MPPED2: variants seen among roughly 807,000 people sequenced by gnomAD.
MPPED2 encodes the protein metallophosphoesterase domain containing 2.
MPPED2 carries 5 observed loss-of-function variants against 33.0 expected under a neutral mutation model. The observed-to-expected ratio is 0.15, with a 90% CI of 0.08 to 0.32. The LOEUF is 0.32. MPPED2 is among the 10% of genes least tolerant of loss of function. The probability of loss-of-function intolerance (pLI) is 1.00; values close to 1 mark genes in which losing one functional copy is unlikely to be tolerated. For synonymous variants in MPPED2, 136 were observed against 141.9 expected (o/e 0.96, Z 0.29); for missense variants, 275 against 372.1 (o/e 0.74, Z 2.15).
chr11:30,558,954 G>A (rs1956114997), intron 2 of MPPED2, among the ~76,000 whole-genome samples: 1 of 152,028 alleles, frequency 6.6e-6, no homozygotes, highest in African/African-American at 2.4e-5. Flanking sequence ...CATTTGAAGT[G>A]GGATAAGCAT....
At chr11:30,505,571 G>A (rs761569078) in intron 3 of MPPED2, among the ~76,000 whole-genome samples, 1 of 152,130 alleles carries the variant, frequency 6.6e-6, no homozygotes, top group African/African-American at 2.4e-5. Flanking sequence ...TACAAATGAG[G>A]GTCTTGGCTT....
At chr11:30,509,255 T>C (rs191542815) in intron 3 of MPPED2, among the ~76,000 whole-genome samples, 2 of 152,310 alleles carry the variant, frequency 1.3e-5, no homozygotes, top group African/African-American at 4.8e-5. Flanking sequence ...TTTTGTTGAA[T>C]GAGTGAACAA....
intron 4 of MPPED2, among the ~76,000 whole-genome samples, chr11:30,492,845 A>G (rs1048242101): frequency 1.3e-5 from 2 of 152,168 alleles, no homozygotes; most frequent in African/African-American, 2.4e-5. Context: ...ACCTCTTATT[A>G]TCTGTGGCGA....
intron 2 of MPPED2, among the ~76,000 whole-genome samples, chr11:30,578,861 T>C (rs1381635550): frequency 6.6e-6 from 1 of 152,164 alleles, no homozygotes; most frequent in Admixed American, 6.5e-5. Flanking sequence ...GAAAAGCTAT[T>C]TTAACAAAGA....
chr11:30,549,589 A>T (rs1302485837), intron 2 of MPPED2, among the ~76,000 whole-genome samples: 1 of 152,194 alleles, frequency 6.6e-6, no homozygotes, highest in African/African-American at 2.4e-5. Flanking sequence ...GTTAAGAGCA[A>T]TGATGGATAA....
intron 1 of MPPED2, among the ~76,000 whole-genome samples, chr11:30,581,910 T>A (rs1042921710): frequency 1.3e-5 from 2 of 152,230 alleles, no homozygotes; most frequent in African/African-American, 4.8e-5. Context: ...TTGGGTTCTC[T>A]TTCTTTTTCC....
chr11:30,452,074 C>G (rs1461351324), intron 4 of MPPED2: 4 of 985,432 alleles, frequency 4.1e-6, no homozygotes, highest in Non-Finnish European at 4.8e-6. Context: ...CTCAGCTTCA[C>G]TTGTGGTCAC....
At chr11:30,427,707 A>G (rs1948901038) in intron 4 of MPPED2, among the ~76,000 whole-genome samples, 1 of 152,246 alleles carries the variant, frequency 6.6e-6, no homozygotes, top group African/African-American at 2.4e-5. Context: ...GAATTCAAAC[A>G]TGTAAAAAAT....
At chr11:30,576,463 T>A (rs1451152630) in intron 2 of MPPED2, among the ~76,000 whole-genome samples, 1 of 152,112 alleles carries the variant, frequency 6.6e-6, no homozygotes, top group Admixed American at 6.6e-5. Flanking sequence ...ACATGAAGAA[T>A]TAACCTGAGT....
intron 4 of MPPED2, among the ~76,000 whole-genome samples, chr11:30,444,744 T>G (rs1330351960): frequency 6.6e-6 from 1 of 152,204 alleles, no homozygotes; most frequent in Non-Finnish European, 1.5e-5. Flanking sequence ...CCCCACTTGT[T>G]TAATTTCTTC....
chr11:30,446,809 C>A (rs1209508989), intron 4 of MPPED2, among the ~76,000 whole-genome samples: 2 of 152,142 alleles, frequency 1.3e-5, no homozygotes, highest in African/African-American at 2.4e-5. Context: ...TCGGAGCCCC[C>A]CCCGACGCCA....
chr11:30,428,436 G>T (rs1234154080), intron 4 of MPPED2, among the ~76,000 whole-genome samples: 2 of 152,316 alleles, frequency 1.3e-5, no homozygotes, highest in East Asian at 1.9e-4. Flanking sequence ...CTACTTGAGA[G>T]GCTGAGGTGG....
At chr11:30,425,341 CAG>C (rs774262629) in intron 4 of MPPED2, among the ~76,000 whole-genome samples, 68 of 152,256 alleles carry the variant, frequency 4.5e-4, no homozygotes, top group Non-Finnish European at 6.5e-4. Flanking sequence ...GTGGTGTAAG[CAG>C]AGTTTACTGT....
At chr11:30,488,548 C>T (rs1016086343) in intron 4 of MPPED2, among the ~76,000 whole-genome samples, 4 of 152,180 alleles carry the variant, frequency 2.6e-5, no homozygotes, top group Non-Finnish European at 1.5e-5. Context: ...CATAAACTGG[C>T]TTTGGAAATG....
At chr11:30,525,486 C>T (rs551554112) in intron 3 of MPPED2, among the ~76,000 whole-genome samples, 59 of 152,316 alleles carry the variant, frequency 3.9e-4, no homozygotes, top group Non-Finnish European at 7.5e-4. Context: ...AAGTGCTTTC[C>T]TGGCTTTTCT....
exon 7 of MPPED2, chr11:30,388,575 G>A: frequency 5.1e-6 from 1 of 194,438 alleles, no homozygotes; most frequent in Non-Finnish European, 1.1e-5. Flanking sequence ...TGGGGTGGAG[G>A]GGGTCATCAG....
chr11:30,460,259 C>T (rs1292281764), intron 4 of MPPED2, among the ~76,000 whole-genome samples: 6 of 152,098 alleles, frequency 3.9e-5, no homozygotes, highest in Admixed American at 1.3e-4. Context: ...TTCTGCTTCC[C>T]GTGGCGACAA....
intron 4 of MPPED2, among the ~76,000 whole-genome samples, chr11:30,464,485 G>A (rs901668232): frequency 2.0e-5 from 3 of 151,398 alleles, no homozygotes; most frequent in African/African-American, 4.9e-5. Flanking sequence ...ATGTCAAAAA[G>A]TTTACCTTTA....
chr11:30,474,879 T>C (rs1468492884), intron 4 of MPPED2, among the ~76,000 whole-genome samples: 1 of 152,160 alleles, frequency 6.6e-6, no homozygotes, highest in Non-Finnish European at 1.5e-5. Flanking sequence ...TTTTAACTAA[T>C]ATGCCCCTCT....
Sources: allele counts gnomAD v4.1 joint callset (sites outside exome capture counted in the v4.1 genomes callset), GRCh38; gene constraint gnomAD v4.1.1; transcripts MANE v1.5; gene names NCBI Gene and HGNC (gene_info 2026-07-23, HGNC 2026-07-21).